The following ACTR3C variants were observed in gnomAD, a reference collection of about 807,000 sequenced individuals.
The protein encoded by ACTR3C is actin-related protein 3C.
Under a neutral mutation model 26.3 loss-of-function variants are expected in ACTR3C, and 18 were observed. The ratio of observed to expected loss-of-function variants is 0.68; its 90% CI spans 0.47 to 1.01. The LOEUF (loss-of-function observed/expected upper bound fraction) is 1.01. Ranked by LOEUF, ACTR3C falls within the 50% of genes least tolerant of loss-of-function variation. ACTR3C has a pLI of 0.00. For missense variants in ACTR3C, 184 were observed against 250.7 expected, an observed-to-expected ratio of 0.73 and a Z score of 1.80; for synonymous variants, 55 against 94.5, an observed-to-expected ratio of 0.58 and a Z score of 2.42.
the ACTR3C span, among the ~76,000 whole-genome samples, chr7:150,185,862 G>A: frequency 3.9e-5 from 6 of 152,172 alleles, no homozygotes; most frequent in Admixed American, 3.3e-4. Flanking sequence ...CAGATAAAAA[G>A]CAAGTTAGTG....
At chr7:150,133,209 C>G in the ACTR3C span, among the ~76,000 whole-genome samples, 2 of 152,126 alleles carry the variant, frequency 1.3e-5, no homozygotes, top group African/African-American at 4.8e-5. Flanking sequence ...TGGACGCGAG[C>G]TTTGTAACAG....
chr7:150,103,919 C>A, the ACTR3C span, among the ~76,000 whole-genome samples: 1 of 152,080 alleles, frequency 6.6e-6, no homozygotes, highest in African/African-American at 2.4e-5. Context: ...ATTGAATTAC[C>A]TTTTGTCGTT....
chr7:150,036,177 G>T, the ACTR3C span, among the ~76,000 whole-genome samples: 54 of 139,856 alleles, frequency 3.9e-4, no homozygotes, highest in African/African-American at 1.3e-3. Context: ...CCCGCGATGG[G>T]AGTCCCAAGA....
the ACTR3C span, among the ~76,000 whole-genome samples, chr7:150,170,762 T>C: frequency 0.14 from 20,293 of 149,340 alleles, 2,553 homozygotes; most frequent in African/African-American, 0.3. Context: ...CACCAGGCTT[T>C]GATTTGGGCA....
At chr7:150,305,508 C>G (rs990706037) in intron 1 of ACTR3C, among the ~76,000 whole-genome samples, 1 of 152,202 alleles carries the variant, frequency 6.6e-6, no homozygotes, top group Non-Finnish European at 1.5e-5. Context: ...CCCCCGCTCT[C>G]GTCACCCTAA....
chr7:150,089,992 T>C, the ACTR3C span, among the ~76,000 whole-genome samples: 1 of 152,324 alleles, frequency 6.6e-6, no homozygotes, highest in East Asian at 1.9e-4. Context: ...CAAAAGCCCA[T>C]TTGTATAAAT....
chr7:150,209,180 T>C, the ACTR3C span, among the ~76,000 whole-genome samples: 5 of 146,726 alleles, frequency 3.4e-5, no homozygotes, highest in East Asian at 9.7e-4. Context: ...ACTTGAAACC[T>C]GACAGAGAAC....
chr7:149,924,248 G>A, the ACTR3C span, among the ~76,000 whole-genome samples: 3 of 150,756 alleles, frequency 2.0e-5, no homozygotes, highest in South Asian at 2.1e-4. Flanking sequence ...GATGGCGGGC[G>A]CCTGTAATTG....
At chr7:150,193,899 T>C in the ACTR3C span, among the ~76,000 whole-genome samples, 1 of 151,286 alleles carries the variant, frequency 6.6e-6, no homozygotes, top group African/African-American at 2.4e-5. Context: ...ATTAGGTAAA[T>C]TGAGTTAACA....
At chr7:150,174,165 T>G in the ACTR3C span, among the ~76,000 whole-genome samples, 1 of 138,768 alleles carries the variant, frequency 7.2e-6, no homozygotes, top group Admixed American at 6.8e-5. Flanking sequence ...ACTGCATTAG[T>G]TTGTTTTCAT....
the ACTR3C span, among the ~76,000 whole-genome samples, chr7:150,037,460 C>A: frequency 3.7e-5 from 2 of 54,506 alleles, no homozygotes; most frequent in Admixed American, 2.1e-4. Context: ...GCGGGGGGTG[C>A]CTCCCCCCCC....
the ACTR3C span, among the ~76,000 whole-genome samples, chr7:150,033,763 C>G: frequency 6.7e-6 from 1 of 149,720 alleles, no homozygotes; most frequent in East Asian, 2.0e-4. Flanking sequence ...GTGGGGGGTG[C>G]TTCCACCTCC....
At chr7:150,163,881 G>A in the ACTR3C span, among the ~76,000 whole-genome samples, 2 of 152,084 alleles carry the variant, frequency 1.3e-5, no homozygotes, top group Non-Finnish European at 2.9e-5. Flanking sequence ...GCTTTACTGA[G>A]TCCACGAATT....
chr7:150,237,442 C>T, the ACTR3C span, among the ~76,000 whole-genome samples: 1 of 151,990 alleles, frequency 6.6e-6, no homozygotes, highest in Non-Finnish European at 1.5e-5. Flanking sequence ...TACCCCAGCC[C>T]TCAACCCTAA....
At chr7:149,999,818 G>A in the ACTR3C span, among the ~76,000 whole-genome samples, 11 of 151,918 alleles carry the variant, frequency 7.2e-5, no homozygotes, top group Non-Finnish European at 1.3e-4. Context: ...CAACAAAACC[G>A]TGGGTCTTTC....
At chr7:150,218,348 T>C in the ACTR3C span, among the ~76,000 whole-genome samples, 1 of 152,260 alleles carries the variant, frequency 6.6e-6, no homozygotes, top group Non-Finnish European at 1.5e-5. Flanking sequence ...AACTTAAGTG[T>C]GTTCTTCTTT....
chr7:150,042,309 A>G, the ACTR3C span, among the ~76,000 whole-genome samples: 180 of 83,446 alleles, frequency 2.2e-3, 1 homozygote, highest in African/African-American at 0.01. Flanking sequence ...CCAGGGGGGG[A>G]AGAGGGACTG....
the ACTR3C span, among the ~76,000 whole-genome samples, chr7:150,065,637 T>G: frequency 6.6e-6 from 1 of 151,904 alleles, no homozygotes; most frequent in Non-Finnish European, 1.5e-5. Context: ...TTCAGGTGCC[T>G]CAGGGTCGGA....
chr7:149,897,826 T>A, the ACTR3C span, among the ~76,000 whole-genome samples: 2 of 151,988 alleles, frequency 1.3e-5, no homozygotes, highest in Non-Finnish European at 2.9e-5. Flanking sequence ...TGCAGTGAGC[T>A]GAGATCATGC....
Sources: allele counts gnomAD v4.1 joint callset (sites outside exome capture counted in the v4.1 genomes callset), GRCh38; gene constraint gnomAD v4.1.1; transcripts MANE v1.5; gene names NCBI Gene and HGNC (gene_info 2026-07-23, HGNC 2026-07-21).